The following WWP2 variants were observed in gnomAD, a reference collection of about 807,000 sequenced individuals.
WWP2 encodes WW domain containing E3 ubiquitin protein ligase 2.
Under a neutral mutation model 121.0 loss-of-function variants are expected in WWP2, and 57 were observed. The ratio of observed to expected loss-of-function variants is 0.47; its 90% CI spans 0.38 to 0.59. The LOEUF (loss-of-function observed/expected upper bound fraction) is 0.59, where lower values mean the gene tolerates loss of function less well. WWP2 is among the 20% of genes least tolerant of loss of function. The pLI is 0.00. For missense variants in WWP2, 962 were observed against 1,158.9 expected (o/e 0.83, Z 2.47); for synonymous variants, 449 against 441.3 (o/e 1.02, Z -0.22).
At position 69,798,614 on chromosome 16, in the gene WWP2, A is replaced by G. The variant is rs111922813; in HGVS notation, c.71-68A>G. 43 of 1,516,732 alleles carry G rather than the reference A, an allele frequency of 2.8e-5. 1 individual carries two copies. The African/African-American group carries it at 3.5e-4, about 12-fold the overall frequency. 94.0% of individuals were successfully genotyped at this position (1,516,732 alleles called of 1,614,324 possible). A position where few individuals can be genotyped will look rare whatever the true frequency, so the allele number is the denominator to read the frequency against. On this transcript the variant is annotated intron_variant, in intron 2 of 23. Coordinates refer to ENST00000359154, the MANE Select transcript of WWP2 (RefSeq NM_001270454.2). ...AGCAATAACTAAAAAGAGCCGGAAC[A>G]TCTGCCACAGGGGGGCATCTGGGAG...
intron 6 of WWP2, among the ~76,000 whole-genome samples, chr16:69,846,060 A>AAAAAAG (rs2057071661): frequency 1.3e-5 from 2 of 149,242 alleles, no homozygotes; most frequent in African/African-American, 4.9e-5. Flanking sequence ...AAAAAAAAAA[A>AAAAAAG]AAAAAAAAAA....
chr16:69,939,438 G>A, intron 23 of WWP2, 25 bp downstream of exon 23: 1 of 1,613,662 alleles, frequency 6.2e-7, no homozygotes, highest in Non-Finnish European at 8.5e-7. Flanking sequence ...TTTAGTGGGA[G>A]GTCGGGGGGC....
intron 4 of WWP2, among the ~76,000 whole-genome samples, chr16:69,832,384 A>T (rs937020163): frequency 6.6e-6 from 1 of 152,100 alleles, no homozygotes; most frequent in Non-Finnish European, 1.5e-5. Flanking sequence ...TTAATATTTT[A>T]GTGTATTTCT....
chr16:69,794,311 A>T (rs1446810827), intron 2 of WWP2, among the ~76,000 whole-genome samples: 1 of 152,126 alleles, frequency 6.6e-6, no homozygotes, highest in Non-Finnish European at 1.5e-5. Flanking sequence ...GATGACTTTG[A>T]GCTCAGGCTT....
chr16:69,830,601 C>T (rs2151858212), intron 4 of WWP2, among the ~76,000 whole-genome samples: 1 of 152,264 alleles, frequency 6.6e-6, no homozygotes, highest in Middle Eastern at 3.4e-3. Context: ...ATTCTGGGTT[C>T]TGGGTAAGAC....
intron 2 of WWP2, among the ~76,000 whole-genome samples, chr16:69,791,830 C>G (rs965251973): frequency 1.3e-5 from 2 of 152,054 alleles, no homozygotes; most frequent in African/African-American, 2.4e-5. Flanking sequence ...CCCACCTCGG[C>G]CTCTTAAGGT....
intron 4 of WWP2, among the ~76,000 whole-genome samples, chr16:69,816,632 A>G (rs568242081): frequency 1.3e-5 from 2 of 152,138 alleles, no homozygotes; most frequent in South Asian, 2.1e-4. Context: ...AAAAAGGACA[A>G]TATTCTGAGT....
At chr16:69,800,872 T>A (rs990644366) in intron 4 of WWP2, among the ~76,000 whole-genome samples, 1 of 150,792 alleles carries the variant, frequency 6.6e-6, no homozygotes, top group Non-Finnish European at 1.5e-5. Flanking sequence ...GCCTGATAGT[T>A]ATTCTTAATG....
intron 4 of WWP2, 126 bp from the exon 5 acceptor site, chr16:69,840,000 G>T: frequency 1.5e-6 from 2 of 1,361,892 alleles, no homozygotes; most frequent in Non-Finnish European, 2.0e-6. Flanking sequence ...GAGGCAAAAT[G>T]TGAAGATGTG....
chr16:69,939,995 G>A lies in WWP2; in HGVS notation c.*55G>A. 2.0e-6 allele frequency: 3 copies of A among 1,466,130 alleles called. No individual in the cohort carries two copies. The highest frequency in any genetic ancestry group is 1.9e-6 in the Non-Finnish European group (2 of 1,066,990). 90.8% of individuals were successfully genotyped at this position (1,466,130 alleles called of 1,614,324 possible). A position where few individuals can be genotyped will look rare whatever the true frequency, so the allele number is the denominator to read the frequency against. ...GCACATGTAGTCCTGAGTCCTCCCT[G>A]CCTGAGAGGCCACTGGCCCCGCAGC... On this transcript the variant is annotated 3_prime_UTR_variant, in exon 24 of 24. Coordinates refer to ENST00000359154, the MANE Select transcript of WWP2 (RefSeq NM_001270454.2).
At chr16:69,792,064 G>A (rs998025697) in intron 2 of WWP2, among the ~76,000 whole-genome samples, 3 of 152,136 alleles carry the variant, frequency 2.0e-5, no homozygotes, top group Admixed American at 6.6e-5. Flanking sequence ...TTTAAATAGC[G>A]TAGGTGGTTC....
At chr16:69,853,538 C>G (rs1467285190) in intron 6 of WWP2, among the ~76,000 whole-genome samples, 1 of 152,146 alleles carries the variant, frequency 6.6e-6, no homozygotes, top group Non-Finnish European at 1.5e-5. Context: ...GCAGGAGGGT[C>G]TGGAAGTCTT....
intron 1 of WWP2, among the ~76,000 whole-genome samples, chr16:69,763,720 A>G (rs1597626561): frequency 6.6e-6 from 1 of 152,230 alleles, no homozygotes; most frequent in South Asian, 2.1e-4. Context: ...TTCCTGCTAG[A>G]TTGCAAATCC....
At chr16:69,831,506 A>G (rs529192657) in intron 4 of WWP2, among the ~76,000 whole-genome samples, 57 of 152,172 alleles carry the variant, frequency 3.7e-4, no homozygotes, top group African/African-American at 1.2e-3. Context: ...ATTTATCTAT[A>G]TTTATTAGTA....
At chr16:69,929,647 C>T in intron 12 of WWP2, 118 bp downstream of exon 12, 1 of 832,048 alleles carries the variant, frequency 1.2e-6, no homozygotes. Flanking sequence ...GACCTTTAGC[C>T]ACACACAAGT....
In WWP2 at chr16:69,795,259, TACACACACACACAC is replaced by T. The variant is rs10578834; in HGVS notation, c.71-3401_71-3388del. Among the ~76,000 whole-genome samples the T allele has an allele frequency of 6.8e-4, 63 of 93,096 alleles. 1 individual carries two copies. The highest frequency in any genetic ancestry group is 1.7e-3 in the African/African-American group (63 of 37,794). The allele number at this position is 93,096 out of a possible 152,430, so 61.1% of individuals were successfully genotyped here. A position where few individuals can be genotyped will look rare whatever the true frequency, so the allele number is the denominator to read the frequency against. ...TTTTACCTAGGAAAAAAAATGCGGA[TACACACACACACAC>T]ACACACACACACACACACACATACA... On this transcript the variant is annotated intron_variant, in intron 2 of 23. Coordinates refer to ENST00000359154, the MANE Select transcript of WWP2 (RefSeq NM_001270454.2).
At chr16:69,861,676 G>C (rs2057424465) in intron 6 of WWP2, among the ~76,000 whole-genome samples, 1 of 147,802 alleles carries the variant, frequency 6.8e-6, no homozygotes, top group Admixed American at 6.7e-5. Flanking sequence ...CCACATTTGA[G>C]TGGGGAGGAA....
chr16:69,931,179 T>C lies in WWP2; in HGVS notation c.1473T>C (p.Tyr491=), dbSNP rs765407157. The change falls in exon 14 of 24, where the codon TAT becomes TAC. Residue 491 remains tyrosine (Y), a synonymous_variant. Transcript: ENST00000359154. ...SGTKQGSPGA[Y]DRSFRWKYHQ... The stretch of plus-strand genomic sequence containing the variant: ...CGAAGCAAGGTTCCCCTGGTGCTTA[T>C]GACCGCAGTTTTCGGTGGAAGTATC... 3 of 1,614,128 alleles carry C rather than the reference T, an allele frequency of 1.9e-6. No individual in the cohort carries two copies. Among genetic ancestry groups the C allele is most frequent in the Non-Finnish European group, 2.5e-6 (3 of 1,180,044 alleles).
chr16:69,880,289 G>T (rs1178462830), intron 7 of WWP2, among the ~76,000 whole-genome samples: 2 of 151,342 alleles, frequency 1.3e-5, no homozygotes, highest in African/African-American at 4.9e-5. Context: ...TTTTAGTGTT[G>T]ATCACTTTTA....
Sources: allele counts gnomAD v4.1 joint callset (sites outside exome capture counted in the v4.1 genomes callset), GRCh38; gene constraint gnomAD v4.1.1; transcripts MANE v1.5; gene names NCBI Gene and HGNC (gene_info 2026-07-23, HGNC 2026-07-21).